The following GALNT6 variants were observed in gnomAD, a reference collection of about 807,000 sequenced individuals.
The protein encoded by GALNT6 is polypeptide N-acetylgalactosaminyltransferase 6.
A neutral mutation model predicts 65.9 loss-of-function variants in GALNT6; 51 were observed. That is an observed-to-expected ratio of 0.77 (90% confidence interval 0.62 to 0.98). The LOEUF is 0.98. Among genes scored for constraint, GALNT6 ranks in the 50% least tolerant of loss-of-function variants. The pLI is 0.00. For missense variants in GALNT6, 708 were observed against 803.3 expected (o/e 0.88, Z 1.43); for synonymous variants, 323 against 315.1 (o/e 1.02, Z -0.26).
At chr12:51,388,947 C>T (rs1206990902) in intron 2 of GALNT6, among the ~76,000 whole-genome samples, 3 of 152,122 alleles carry the variant, frequency 2.0e-5, no homozygotes, top group Non-Finnish European at 2.9e-5. Flanking sequence ...ATAAGCTGAC[C>T]CCACAGGGCT....
At chr12:51,381,331 G>C (rs181241304) in intron 2 of GALNT6, among the ~76,000 whole-genome samples, 3 of 152,104 alleles carry the variant, frequency 2.0e-5, no homozygotes, top group African/African-American at 7.2e-5. Flanking sequence ...AGACATTCCC[G>C]GCAGGGCTGG....
intron 4 of GALNT6, among the ~76,000 whole-genome samples, chr12:51,369,953 T>C (rs1413955558): frequency 6.6e-6 from 1 of 152,226 alleles, no homozygotes; most frequent in Non-Finnish European, 1.5e-5. Flanking sequence ...AATCAGATCA[T>C]GTCACTACAG....
In GALNT6 at chr12:51,359,214, A is replaced by G. The variant is rs535047230; in HGVS notation, c.1286T>C (p.Val429Ala). 16 of 1,614,152 alleles carry G rather than the reference A, an allele frequency of 9.9e-6. No homozygotes were observed. In the Admixed American group the frequency reaches 1.7e-4, roughly 17 times the overall value. ...KGTSVIARNQ[V>A]RLAEVWMDSY... ...GTCCATCCAGACCTCTGCCAGGCGC[A>G]CTTGATTGCGAGCAATGACACTAGT... The change falls in exon 8 of 12, where the codon GTG becomes GCG. Residue 429 changes from valine to alanine, a missense_variant. Transcript: ENST00000356317.
chr12:51,374,005 A>G (rs1316273975), intron 4 of GALNT6, among the ~76,000 whole-genome samples: 1 of 152,138 alleles, frequency 6.6e-6, no homozygotes, highest in Middle Eastern at 3.2e-3. Context: ...AACCACAGGC[A>G]CATGCCACCG....
Position 51,359,227 on chromosome 12 carries a change from C to T in GALNT6, c.1273G>A (p.Ala425Thr). The change falls in exon 8 of 12, where the codon GCT becomes ACT. Residue 425 changes from alanine (A) to threonine (T), a missense_variant. Coordinates refer to ENST00000356317, the MANE Select transcript of GALNT6 (RefSeq NM_007210.4). ...TCTGCCAGGCGCACTTGATTGCGAG[C>T]AATGACACTAGTGCCCTTGGGGAAG... ...HTFPKGTSVIARNQVRLAEVW... is the reference protein window; with the variant it reads ...HTFPKGTSVITRNQVRLAEVW... The T allele has an allele frequency of 6.2e-7, 1 of 1,614,130 alleles. No homozygotes were observed. Among genetic ancestry groups the T allele is most frequent in the Admixed American group, 1.7e-5 (1 of 60,020 alleles).
chr12:51,370,037 A>T (rs1447518022), intron 4 of GALNT6, among the ~76,000 whole-genome samples: 1 of 152,328 alleles, frequency 6.6e-6, no homozygotes, highest in Non-Finnish European at 1.5e-5. Context: ...CTTAAAAAAA[A>T]CTAAAGACAG....
In GALNT6 at chr12:51,354,314, C is replaced by T. The variant is rs1946683562; in HGVS notation, c.*65G>A. 1 of 919,866 alleles carries T rather than the reference C, an allele frequency of 1.1e-6. No individual in the cohort carries two copies. Among genetic ancestry groups the T allele is most frequent in the African/African-American group, 1.8e-5 (1 of 57,136 alleles). The allele number at this position is 919,866 out of a possible 1,614,324, so 57.0% of individuals were successfully genotyped here. ...TCCAGAGAAGCTGGTGATCAGGTTC[C>T]CAGACATCAGCAATCCTGTTTCCTG... On this transcript the variant is annotated 3_prime_UTR_variant, in exon 12 of 12. Transcript: ENST00000356317.
Position 51,371,135 on chromosome 12 carries a change from G to A in GALNT6, c.665-5556C>T, listed in dbSNP as rs190666831. Among the ~76,000 whole-genome samples, 897 of 151,460 alleles carry A rather than the reference G, an allele frequency of 5.9e-3. 4 individuals carry two copies. The highest frequency in any genetic ancestry group is 0.028 in the Middle Eastern group (8 of 286). On this transcript the variant is annotated intron_variant, in intron 4 of 11. Transcript: ENST00000356317. The stretch of plus-strand genomic sequence containing the variant: ...TTTTGCTCTTGTCGCCCAGGCTGGA[G>A]TGCAATGGTGTGATCTCAGCTCACT...
Position 51,379,580 on chromosome 12 carries a change from T to C in GALNT6, c.202A>G (p.Met68Val), listed in dbSNP as rs187506941. 3.0e-4 allele frequency: 478 copies of C among 1,613,992 alleles called. No homozygotes were observed. Among genetic ancestry groups the C allele is most frequent in the Non-Finnish European group, 3.9e-4 (463 of 1,179,988 alleles). The change falls in exon 3 of 12, where the codon ATG (methionine) becomes GTG (valine). Residue 68 changes from methionine to valine, a missense_variant. Physicochemically the swap from Met to Val is conservative, Grantham distance 21. Transcript: ENST00000356317. ...LEAMNNLRDS[M>V]PKLQIRAPEA... ...GGAGCCCTGATTTGGAGCTTGGGCA[T>C]TGAATCTCTAAGGTTGTTCATGGCC...
intron 11 of GALNT6, among the ~76,000 whole-genome samples, chr12:51,355,396 T>C (rs987086881): frequency 1.3e-5 from 2 of 152,182 alleles, no homozygotes; most frequent in African/African-American, 4.8e-5. Flanking sequence ...TACATTGCTC[T>C]ACTCCACCCC....
intron 4 of GALNT6, among the ~76,000 whole-genome samples, chr12:51,373,633 G>C (rs910516505): frequency 1.3e-5 from 2 of 152,212 alleles, no homozygotes; most frequent in Non-Finnish European, 2.9e-5. Flanking sequence ...ATAGGGTTAG[G>C]AGGAGAAAGA....
At chr12:51,372,828 C>T (rs368246912) in intron 4 of GALNT6, among the ~76,000 whole-genome samples, 31 of 152,282 alleles carry the variant, frequency 2.0e-4, no homozygotes, top group African/African-American at 7.5e-4. Flanking sequence ...CAGTTTAGAA[C>T]CCCCACGTCC....
Position 51,351,850 on chromosome 12 carries a change from G to A in GALNT6, c.*2529C>T, listed in dbSNP as rs1014947240. ...CTGATTCAGCTAAGGGACAACACAG[G>A]TAAGAGAACACAACGCGAGTTTCCT... is the stretch of plus-strand genomic sequence containing the variant. On this transcript the variant is annotated 3_prime_UTR_variant, in exon 12 of 12. Coordinates refer to ENST00000356317, the MANE Select transcript of GALNT6 (RefSeq NM_007210.4). 6.6e-6 allele frequency: 1 copy of A among 152,152 alleles called. No homozygotes were observed. Among genetic ancestry groups the A allele is most frequent in the Non-Finnish European group, 1.5e-5 (1 of 68,028 alleles). The allele number at this position is 152,152 out of a possible 1,614,324, so 9.4% of individuals were successfully genotyped here.
chr12:51,385,827 T>C (rs1438775405), intron 2 of GALNT6, among the ~76,000 whole-genome samples: 1 of 152,072 alleles, frequency 6.6e-6, no homozygotes, highest in Non-Finnish European at 1.5e-5. Context: ...TAGCAGGTGT[T>C]CCATAAACTT....
intron 8 of GALNT6, among the ~76,000 whole-genome samples, chr12:51,358,852 C>T (rs1946830762): frequency 6.6e-6 from 1 of 152,178 alleles, no homozygotes; most frequent in Non-Finnish European, 1.5e-5. Context: ...TCCTCCAAAG[C>T]CTCCAAAGCC....
At chr12:51,381,612 A>G (rs933484526) in intron 2 of GALNT6, among the ~76,000 whole-genome samples, 1 of 152,200 alleles carries the variant, frequency 6.6e-6, no homozygotes, top group East Asian at 1.9e-4. Flanking sequence ...GTTCCCACAA[A>G]GTGTTAGTTT....
intron 4 of GALNT6, 94 bp downstream of exon 4, chr12:51,377,101 G>T: frequency 9.7e-7 from 1 of 1,034,570 alleles, no homozygotes; most frequent in Non-Finnish European, 1.5e-6. Context: ...ACAGGCTCAT[G>T]AGGTGGTGCC....
At chr12:51,364,419 C>T (rs1947028916) in intron 5 of GALNT6, 64 bp from the exon 6 acceptor site, 1 of 1,167,884 alleles carries the variant, frequency 8.6e-7, no homozygotes, top group Admixed American at 1.8e-5. Flanking sequence ...AAGCTGCATC[C>T]TGGAGGGAAT....
In GALNT6 at chr12:51,379,791, C is replaced by A. The variant is rs200849756; in HGVS notation, c.-10G>T. 7.5e-6 allele frequency: 12 copies of A among 1,594,564 alleles called. No individual in the cohort carries two copies. The highest frequency in any genetic ancestry group is 9.4e-6 in the Non-Finnish European group (11 of 1,174,086). On this transcript the variant is annotated 5_prime_UTR_variant, in exon 3 of 12. Transcript: ENST00000356317. ...TGCGGAGGAGCCTCATCCTCCAGAA[C>A]CAAGGGGCACCCCAGCTGCGTCAGC...
Sources: allele counts gnomAD v4.1 joint callset (sites outside exome capture counted in the v4.1 genomes callset), GRCh38; gene constraint gnomAD v4.1.1; transcripts MANE v1.5; gene names NCBI Gene and HGNC (gene_info 2026-07-23, HGNC 2026-07-21).